ATG2A: variants seen among roughly 807,000 people sequenced by gnomAD.
ATG2A encodes the protein autophagy related 2A, also known as autophagy-related protein 2 homolog A.
In ATG2A, 103 loss-of-function variants were observed where a neutral mutation model predicts 214.2. The ratio of observed to expected loss-of-function variants is 0.48; its 90% CI spans 0.41 to 0.57. The LOEUF (loss-of-function observed/expected upper bound fraction) is 0.57. ATG2A is among the 20% of genes least tolerant of loss of function. The probability of loss-of-function intolerance (pLI) is 0.00; values close to 1 mark genes in which losing one functional copy is unlikely to be tolerated. For missense variants in ATG2A, 2,312 were observed against 2,613.2 expected, an observed-to-expected ratio of 0.88 and a Z score of 2.51; for synonymous variants, 1,160 against 1,142.1, an observed-to-expected ratio of 1.02 and a Z score of -0.32.
chr11:64,905,415 T>C, intron 24 of ATG2A, 148 bp downstream of exon 24: 1 of 902,406 alleles, frequency 1.1e-6, no homozygotes, highest in Non-Finnish European at 1.7e-6. Flanking sequence ...CCAACTGCCC[T>C]CTAGAAAGGC....
chr11:64,903,368 C>T lies in ATG2A; in HGVS notation c.3536-4G>A. 2 of 1,614,068 alleles carry T rather than the reference C, an allele frequency of 1.2e-6. No individual in the cohort carries two copies. Among genetic ancestry groups the T allele is most frequent in the Non-Finnish European group, 1.7e-6 (2 of 1,179,974 alleles). ...ACATCCAAAACACAGACATAATCTGCAGCAGAGGCGAGAGAAAGGTCCTGT... is the reference window on the plus strand; with the variant it reads ...ACATCCAAAACACAGACATAATCTGTAGCAGAGGCGAGAGAAAGGTCCTGT... On this transcript the variant is annotated splice_polypyrimidine_tract_variant and splice_region_variant and intron_variant, in intron 25 of 40. Coordinates refer to ENST00000377264, the MANE Select transcript of ATG2A (RefSeq NM_015104.3). The surrounding 1 kb of genome is among the most constrained non-coding windows in gnomAD (Gnocchi z 4.2).
rs1944367763 is a variant in ATG2A, at chr11:64,902,029, T to C, written c.4052A>G (p.Glu1351Gly). 4 of 1,614,018 alleles carry C rather than the reference T, an allele frequency of 2.5e-6. No homozygotes were observed. The highest frequency in any genetic ancestry group is 3.4e-6 in the Non-Finnish European group (4 of 1,180,034). ...SEEKEDEREE[E>G]GDGDTLDSDE... ...ACTGTCCAGGGTGTCTCCATCGCCC[T>C]CCTCTTCCCTTTCATCTTCCTTCTC... The change falls in exon 29 of 41, where the codon GAG becomes GGG. Residue 1351 changes from glutamate to glycine, a missense_variant. Coordinates refer to ENST00000377264, the MANE Select transcript of ATG2A (RefSeq NM_015104.3).
In ATG2A at chr11:64,907,675, C is replaced by T. The variant is rs1433574794; in HGVS notation, c.2508-11G>A. On this transcript the variant is annotated splice_polypyrimidine_tract_variant and intron_variant, in intron 17 of 40. Coordinates refer to ENST00000377264, the MANE Select transcript of ATG2A (RefSeq NM_015104.3). ...AGGTCGTTGTTGATCCTGAGATAGG[C>T]GGGTGGACAGCAGGTAAGGGAGGCC... The T allele has an allele frequency of 1.3e-5, 20 of 1,594,596 alleles. No homozygotes were observed. Among genetic ancestry groups the T allele is most frequent in the Admixed American group, 3.5e-5 (2 of 57,526 alleles).
At position 64,902,557 on chromosome 11, in the gene ATG2A, G is replaced by C; in HGVS notation, c.3736C>G (p.Pro1246Ala). The change falls in exon 27 of 41, where the codon CCA becomes GCA. Residue 1246 changes from proline to alanine, a missense_variant. Physicochemically the swap from Pro to Ala is conservative, Grantham distance 27. Transcript: ENST00000377264. ...TCCGTGGGGCTGGGGGGCCGGGGTG[G>C]GGGGTGCAGATCGCCTGTGCTCATT... ...YVMSTGDLHP[P>A]PRPPSPTEIA... The C allele has an allele frequency of 6.4e-7, 1 of 1,559,934 alleles. No individual in the cohort carries two copies. Among genetic ancestry groups the C allele is most frequent in the Non-Finnish European group, 8.7e-7 (1 of 1,155,264 alleles).
rs1944522642 is a variant in ATG2A at position 64,905,756 on chromosome 11, G to A, written c.3357C>T (p.Cys1119=). Residue 1119 remains cysteine (C), a synonymous_variant, in exon 23 of 41, where the codon TGC becomes TGT. Coordinates refer to ENST00000377264, the MANE Select transcript of ATG2A (RefSeq NM_015104.3). ...ITILHTHLFS[C]SVDYRPLYLP... is the part of the protein sequence containing the mutation. ...CAGCCTGGTACCTATAGTCCACAGA[G>A]CAGGAGAACAGGTGTGTGTGCAGGA... The A allele has an allele frequency of 2.5e-6, 4 of 1,613,964 alleles. No homozygotes were observed. Among genetic ancestry groups the A allele is most frequent in the Non-Finnish European group, 1.7e-6 (2 of 1,180,020 alleles).
At chr11:64,906,079 C>G in intron 22 of ATG2A, 34 bp downstream of exon 22, 1 of 1,550,650 alleles carries the variant, frequency 6.4e-7, no homozygotes, top group Non-Finnish European at 8.7e-7. Flanking sequence ...TCCAGAGTCA[C>G]TGGGCCATGT....
chr11:64,916,099 C>T (rs67557026), intron 1 of ATG2A, among the ~76,000 whole-genome samples: 30,200 of 152,192 alleles, frequency 0.2, 3,354 homozygotes, highest in East Asian at 0.47. Context: ...TCGACCAGGA[C>T]GCGCCTCTAA....
At chr11:64,906,231 AG>A (rs1944542367) in intron 21 of ATG2A, 38 bp from the exon 22 acceptor site, 1 of 1,609,172 alleles carries the variant, frequency 6.2e-7, no homozygotes, top group Non-Finnish European at 8.5e-7. Context: ...TGGGGAGGCC[AG>A]CCCCACCGTG....
chr11:64,900,175 G>A (rs1037786772), intron 31 of ATG2A, among the ~76,000 whole-genome samples: 7 of 151,708 alleles, frequency 4.6e-5, no homozygotes, highest in Non-Finnish European at 8.8e-5. Context: ...CCCAATTTGC[G>A]GCTTTCACGC....
Position 64,910,895 on chromosome 11 carries a change from C to T in ATG2A, c.1526G>A (p.Arg509Gln), listed in dbSNP as rs756505472. 9 of 1,610,796 alleles carry T rather than the reference C, an allele frequency of 5.6e-6. No homozygotes were observed. Among genetic ancestry groups the T allele is most frequent in the African/African-American group, 2.7e-5 (2 of 75,022 alleles). The change falls in exon 11 of 41, where the codon CGG (arginine) becomes CAG (glutamine). Residue 509 changes from arginine to glutamine, a missense_variant. Coordinates refer to ENST00000377264, the MANE Select transcript of ATG2A (RefSeq NM_015104.3). ...WELRTGSRGRRTTSMEVHFGQ... is the reference protein window; with the variant it reads ...WELRTGSRGRQTTSMEVHFGQ... The stretch of plus-strand genomic sequence containing the variant: ...GAAGTGCACTTCCATGCTGGTTGTC[C>T]GCCGGCCCCGACTGCCCGTCCGCAG...
chr11:64,914,461 C>G lies in ATG2A; in HGVS notation c.211G>C (p.Glu71Gln), dbSNP rs1229367107. 2 of 1,612,950 alleles carry G rather than the reference C, an allele frequency of 1.2e-6. No homozygotes were observed. Among genetic ancestry groups the G allele is most frequent in the Non-Finnish European group, 1.7e-6 (2 of 1,179,800 alleles). The stretch of plus-strand genomic sequence containing the variant: ...GAGCCCACGAAGCCTTCCACCAGCT[C>G]CAGCGGTGACTCCATTGACTCCAGC... Reference protein sequence around the residue: ...EVLESMESPLELVEGFVGSIE... With the variant: ...EVLESMESPLQLVEGFVGSIE... The change falls in exon 2 of 41, where the codon GAG becomes CAG. Residue 71 changes from glutamate (E) to glutamine (Q), a missense_variant. By Grantham distance (29) the Glu-to-Gln change is conservative (BLOSUM62 2). Coordinates refer to ENST00000377264, the MANE Select transcript of ATG2A (RefSeq NM_015104.3).
Position 64,895,258 on chromosome 11 carries a change from G to T in ATG2A, c.5580+32C>A. 1 of 1,613,136 alleles carries T rather than the reference G, an allele frequency of 6.2e-7. No homozygotes were observed. The highest frequency in any genetic ancestry group is 8.5e-7 in the Non-Finnish European group (1 of 1,179,860). On this transcript the variant is annotated intron_variant, in intron 40 of 40. Coordinates refer to ENST00000377264, the MANE Select transcript of ATG2A (RefSeq NM_015104.3). The surrounding 1 kb of genome is among the most constrained non-coding windows in gnomAD (Gnocchi z 5.0). ...GGGGTCTGTGTGAGGAGATGGGCAT[G>T]GGGGACTGGGGCAGGGCGGGGGCCT...
At chr11:64,909,241 T>C (rs1944670349) in intron 15 of ATG2A, 30 bp downstream of exon 15, 1 of 1,612,554 alleles carries the variant, frequency 6.2e-7, no homozygotes, top group South Asian at 1.1e-5. Flanking sequence ...AACCCTCCTC[T>C]CCTGGGCCCA....
At chr11:64,914,666 G>T (rs562644554) in intron 1 of ATG2A, among the ~76,000 whole-genome samples, 166 bp from the exon 2 acceptor site, 95 of 152,212 alleles carry the variant, frequency 6.2e-4, no homozygotes, top group Non-Finnish European at 9.9e-4. Flanking sequence ...CCTACTACAG[G>T]CCAGCCCCCC....
At position 64,911,969 on chromosome 11, in the gene ATG2A, G is replaced by A. The variant is rs771404078; in HGVS notation, c.1101C>T (p.Ser367=). The change falls in exon 9 of 41, where the codon TCC becomes TCT. Residue 367 remains serine (S), a synonymous_variant. Coordinates refer to ENST00000377264, the MANE Select transcript of ATG2A (RefSeq NM_015104.3). ...LNLDNTDLFF[S]MAGLTSSVAS... is the part of the protein sequence containing the mutation. ...CCACACTGCTTGTGAGGCCAGCCAT[G>A]GAGAAGAAGAGGTCTGTGGGTGAAG... The A allele has an allele frequency of 6.2e-6, 10 of 1,613,820 alleles. No individual in the cohort carries two copies. The highest frequency in any genetic ancestry group is 1.1e-5 in the South Asian group (1 of 91,020).
rs779214429 is a variant in ATG2A at position 64,912,253 on chromosome 11, C to T, written c.923-4G>A. 2.5e-6 allele frequency: 4 copies of T among 1,612,160 alleles called. No homozygotes were observed. In the South Asian group the frequency reaches 3.3e-5, roughly 13 times the overall value. On this transcript the variant is annotated splice_polypyrimidine_tract_variant and splice_region_variant and intron_variant, in intron 7 of 40. Transcript: ENST00000377264. The stretch of plus-strand genomic sequence containing the variant: ...TTGTCAGCCAGGCCCTCGTGGTCTG[C>T]AGGGGAGGAGACTTCAGTCTGGGCT...
Position 64,909,281 on chromosome 11 carries a change from A to G in ATG2A, c.2194T>C (p.Phe732Leu). 1.2e-6 allele frequency: 2 copies of G among 1,613,658 alleles called. No individual in the cohort carries two copies. Among genetic ancestry groups the G allele is most frequent in the African/African-American group, 1.3e-5 (1 of 75,056 alleles). Residue 732 changes from phenylalanine (F) to leucine (L), a missense_variant, in exon 15 of 41, where the codon TTC (phenylalanine) becomes CTC (leucine). Transcript: ENST00000377264. ...AGAGCCCCTACTTACTGGGGCAGGA[A>G]GTACTTGCGCCCAGTGCTCTTGGGG... is the stretch of plus-strand genomic sequence containing the variant. ...LDPKSTGRKYFLPQVVVTVNP... is the reference protein window; with the variant it reads ...LDPKSTGRKYLLPQVVVTVNP...
Position 64,910,120 on chromosome 11 carries a change from C to G in ATG2A, c.1783G>C (p.Val595Leu), listed in dbSNP as rs143598039. 2.4e-5 allele frequency: 39 copies of G among 1,611,704 alleles called. No individual in the cohort carries two copies. Among genetic ancestry groups the G allele is most frequent in the Non-Finnish European group, 3.1e-5 (37 of 1,179,600 alleles). Reference sequence around the variant, plus strand: ...AGCCGGTCCAGGGCCCCCAGCTCCACGTCCGCCTGGAAGTTGGCCAGGTCC... The same window carrying G: ...AGCCGGTCCAGGGCCCCCAGCTCCAGGTCCGCCTGGAAGTTGGCCAGGTCC... ...ALDLANFQAD[V>L]ELGALDRLAA... The change falls in exon 13 of 41, where the codon GTG becomes CTG. Residue 595 changes from valine (V) to leucine (L), a missense_variant. Physicochemically the swap from Val to Leu is conservative, Grantham distance 32 (BLOSUM62 1). Coordinates refer to ENST00000377264, the MANE Select transcript of ATG2A (RefSeq NM_015104.3).
Position 64,897,972 on chromosome 11 carries a change from G to T in ATG2A, c.4861C>A (p.Arg1621Ser). 1 of 1,555,806 alleles carries T rather than the reference G, an allele frequency of 6.4e-7. No individual in the cohort carries two copies. Residue 1621 changes from arginine (R) to serine (S), a missense_variant and splice_region_variant, in exon 35 of 41, where the codon CGC becomes AGC. Transcript: ENST00000377264. ...CTGGGCTGGGCTCGAGTCTCGGGGCGAGCTAGGGGAGGGGAGGTCACAGAC... is the reference window on the plus strand; with the variant it reads ...CTGGGCTGGGCTCGAGTCTCGGGGCTAGCTAGGGGAGGGGAGGTCACAGAC... ...VVPGETSAEA[R>S]PETRAQPSSP...
Sources: allele counts gnomAD v4.1 joint callset (sites outside exome capture counted in the v4.1 genomes callset), GRCh38; gene constraint gnomAD v4.1.1; non-coding constraint Gnocchi (gnomAD v3.1); transcripts MANE v1.5; gene names NCBI Gene and HGNC (gene_info 2026-07-23, HGNC 2026-07-21).